The following FBXO32 variants were observed in gnomAD, a reference collection of about 807,000 sequenced individuals.
FBXO32 encodes the protein F-box only protein 32.
A neutral mutation model predicts 48.3 loss-of-function variants in FBXO32; 15 were observed. The observed-to-expected ratio is 0.31, with a 90% CI of 0.21 to 0.48. The LOEUF (loss-of-function observed/expected upper bound fraction) is 0.48. FBXO32 is among the 20% of genes least tolerant of loss of function. The pLI, the probability that FBXO32 is intolerant of heterozygous loss-of-function variation, is 0.99. For missense variants in FBXO32, 309 were observed against 432.7 expected, an observed-to-expected ratio of 0.71 and a Z score of 2.54; for synonymous variants, 154 against 165.9, an observed-to-expected ratio of 0.93 and a Z score of 0.55.
rs950010739 is a variant in FBXO32 at position 123,499,763 on chromosome 8, A to G, written c.*3610T>C. The G allele has an allele frequency of 6.6e-5, 10 of 152,172 alleles. No individual in the cohort carries two copies. Among genetic ancestry groups the G allele is most frequent in the African/African-American group, 2.2e-4 (9 of 41,428 alleles). 9.4% of individuals were successfully genotyped at this position (152,172 alleles called of 1,614,324 possible). The stretch of plus-strand genomic sequence containing the variant: ...AATTCCAAGCTCTTTCTCTTCTCCC[A>G]TATAAAAACAACAGAAACAGGAGGC... On this transcript the variant is annotated 3_prime_UTR_variant, in exon 9 of 9. Coordinates refer to ENST00000517956, the MANE Select transcript of FBXO32 (RefSeq NM_058229.4).
intron 4 of FBXO32, among the ~76,000 whole-genome samples, chr8:123,515,811 T>C (rs1171089338): frequency 2.0e-5 from 3 of 151,772 alleles, no homozygotes; most frequent in Non-Finnish European, 4.4e-5. Context: ...GGCCAACATG[T>C]GAAACTCCAT....
chr8:123,509,059 C>T (rs966204527), intron 6 of FBXO32, among the ~76,000 whole-genome samples: 4 of 152,170 alleles, frequency 2.6e-5, no homozygotes, highest in African/African-American at 7.2e-5. Context: ...CCCTGCCCAC[C>T]GCATACTGTC....
Position 123,540,434 on chromosome 8 carries a change from G to T in FBXO32, c.116+465C>A, listed in dbSNP as rs984772521. Among the ~76,000 whole-genome samples, 17 of 152,246 alleles carry T rather than the reference G, an allele frequency of 1.1e-4. No homozygotes were observed. The highest frequency in any genetic ancestry group is 5.9e-5 in the Non-Finnish European group (4 of 68,050). Reference sequence around the variant, plus strand: ...TGGAAGCGCTCCAGGCGGGACCTTCGTCGGATCCCGTCACCTGTCGCGTCC... The same window carrying T: ...TGGAAGCGCTCCAGGCGGGACCTTCTTCGGATCCCGTCACCTGTCGCGTCC... On this transcript the variant is annotated intron_variant, in intron 1 of 8. Transcript: ENST00000517956. The surrounding 1 kb of genome is among the most constrained non-coding windows in gnomAD (Gnocchi z 6.4).
Position 123,499,377 on chromosome 8 carries a change from G to C in FBXO32, c.*3996C>G, listed in dbSNP as rs1218495868. ...ATCTCTGTATTGGCCTACAGGTTCA[G>C]AGTGTTTTGAGGTCTGTTTAAGCAC... On this transcript the variant is annotated 3_prime_UTR_variant, in exon 9 of 9. Transcript: ENST00000517956. 1 of 151,928 alleles carries C rather than the reference G, an allele frequency of 6.6e-6. No individual in the cohort carries two copies. The highest frequency in any genetic ancestry group is 1.5e-5 in the Non-Finnish European group (1 of 68,024). The allele number at this position is 151,928 out of a possible 1,614,324, so 9.4% of individuals were successfully genotyped here.
Position 123,503,299 on chromosome 8 carries a change from A to G in FBXO32, c.*74T>C. On this transcript the variant is annotated 3_prime_UTR_variant, in exon 9 of 9. Coordinates refer to ENST00000517956, the MANE Select transcript of FBXO32 (RefSeq NM_058229.4). Reference sequence around the variant, plus strand: ...TAAAATGTACACTATTTACAAATGAAGTGTCCAAATGCCATATTCCCAGCT... The same window carrying G: ...TAAAATGTACACTATTTACAAATGAGGTGTCCAAATGCCATATTCCCAGCT... 8.3e-7 allele frequency: 1 copy of G among 1,201,906 alleles called. No homozygotes were observed. Among genetic ancestry groups the G allele is most frequent in the South Asian group, 1.3e-5 (1 of 78,688 alleles). 74.5% of individuals were successfully genotyped at this position (1,201,906 alleles called of 1,614,324 possible).
At chr8:123,524,096 T>G (rs1163583983) in intron 4 of FBXO32, among the ~76,000 whole-genome samples, 1 of 152,222 alleles carries the variant, frequency 6.6e-6, no homozygotes, top group East Asian at 1.9e-4. Context: ...TAGGAGTCTA[T>G]GCTCTAGTCT....
chr8:123,511,669 T>G (rs1423315517), intron 6 of FBXO32, among the ~76,000 whole-genome samples: 1 of 151,962 alleles, frequency 6.6e-6, no homozygotes, highest in Non-Finnish European at 1.5e-5. Context: ...AGAGATGGAG[T>G]TTCACAATGT....
At chr8:123,532,672 T>C (rs144172680) in intron 3 of FBXO32, among the ~76,000 whole-genome samples, 1 of 152,350 alleles carries the variant, frequency 6.6e-6, no homozygotes, top group African/African-American at 2.4e-5. Flanking sequence ...GCCTGTATCC[T>C]AGTTATTTTA....
intron 1 of FBXO32, among the ~76,000 whole-genome samples, chr8:123,536,900 C>T (rs1465448646): frequency 6.6e-6 from 1 of 152,122 alleles, no homozygotes; most frequent in African/African-American, 2.4e-5. Context: ...TGCTTTAAGC[C>T]TGAGTGACTC....
rs1817395868 is a variant in FBXO32 at position 123,540,837 on chromosome 8, G to GC, written c.116+61dup. The GC allele has an allele frequency of 3.2e-5, 45 of 1,396,406 alleles. No homozygotes were observed. Among genetic ancestry groups the GC allele is most frequent in the African/African-American group, 4.3e-5 (3 of 69,414 alleles). The allele number at this position is 1,396,406 out of a possible 1,614,324, so 86.5% of individuals were successfully genotyped here. A position where few individuals can be genotyped will look rare whatever the true frequency, so the allele number is the denominator to read the frequency against. Reference sequence around the variant, plus strand: ...CCTGCCCCTCATTCGCCGTCCCTGCGCCCCCCAGACCAGCCCGGGTCAGTT... The same window carrying GC: ...CCTGCCCCTCATTCGCCGTCCCTGCGCCCCCCCAGACCAGCCCGGGTCAGTT... On this transcript the variant is annotated intron_variant, in intron 1 of 8. Coordinates refer to ENST00000517956, the MANE Select transcript of FBXO32 (RefSeq NM_058229.4). This position sits in a 1 kb window ranked among gnomAD's most constrained non-coding sequence, Gnocchi z 6.4.
chr8:123,533,921 T>C (rs1164015977), intron 2 of FBXO32, among the ~76,000 whole-genome samples: 1 of 151,840 alleles, frequency 6.6e-6, no homozygotes, highest in Non-Finnish European at 1.5e-5. Flanking sequence ...GGCGAAACCC[T>C]GTCTCTACTA....
intron 4 of FBXO32, among the ~76,000 whole-genome samples, chr8:123,523,617 CAACAACAACA>C (rs1348812300): frequency 1.5e-4 from 21 of 142,876 alleles, no homozygotes; most frequent in Admixed American, 4.2e-4. Flanking sequence ...ACAACAACAA[CAACAACAACA>C]AACAAACAAA....
rs1011332084 is a variant in FBXO32 at position 123,502,022 on chromosome 8, G to C, written c.*1351C>G. On this transcript the variant is annotated 3_prime_UTR_variant, in exon 9 of 9. Coordinates refer to ENST00000517956, the MANE Select transcript of FBXO32 (RefSeq NM_058229.4). ...ACAGTTACCTGCTGATATTTGCCTC[G>C]TAAGATCCCCTTGGGATCTTCCTGT... The C allele has an allele frequency of 2.0e-5, 3 of 151,998 alleles. No homozygotes were observed. The South Asian group carries it at 6.2e-4, about 32-fold the overall frequency. 9.4% of individuals were successfully genotyped at this position (151,998 alleles called of 1,614,324 possible). A position where few individuals can be genotyped will look rare whatever the true frequency, so the allele number is the denominator to read the frequency against.
chr8:123,533,347 TAAG>T (rs1016498471), intron 2 of FBXO32, 107 bp from the exon 3 acceptor site: 9 of 906,362 alleles, frequency 9.9e-6, no homozygotes, highest in East Asian at 2.6e-5. Flanking sequence ...ACAAAAAAGA[TAAG>T]GAGTCTACTG....
rs746672276 is a variant in FBXO32 at position 123,540,874 on chromosome 8, G to A, written c.116+25C>T. ...AGCCCGGGTCAGTTTCGCGGGGGCT[G>A]GAAGTTGGTAGCGGGTCCCCTCACC... On this transcript the variant is annotated intron_variant, in intron 1 of 8. Coordinates refer to ENST00000517956, the MANE Select transcript of FBXO32 (RefSeq NM_058229.4). The surrounding 1 kb of genome is among the most constrained non-coding windows in gnomAD (Gnocchi z 6.4). 21 of 1,591,592 alleles carry A rather than the reference G, an allele frequency of 1.3e-5. 1 individual carries two copies. In the East Asian group the frequency reaches 4.7e-4, roughly 36 times the overall value.
chr8:123,508,546 C>T (rs1413368357), intron 6 of FBXO32, among the ~76,000 whole-genome samples: 1 of 152,210 alleles, frequency 6.6e-6, no homozygotes, highest in Non-Finnish European at 1.5e-5. Context: ...ACTTCAGCCT[C>T]CTATTTCATT....
intron 4 of FBXO32, among the ~76,000 whole-genome samples, chr8:123,515,537 C>T (rs1441053951): frequency 6.6e-6 from 1 of 151,944 alleles, no homozygotes; most frequent in Admixed American, 6.6e-5. Flanking sequence ...GCATGAGCCA[C>T]CGCGCCCCGC....
Position 123,525,348 on chromosome 8 carries a change from A to C in FBXO32, c.372+6550T>G, listed in dbSNP as rs917724575. On this transcript the variant is annotated intron_variant, in intron 4 of 8. Coordinates refer to ENST00000517956, the MANE Select transcript of FBXO32 (RefSeq NM_058229.4). The surrounding 1 kb of genome is among the most constrained non-coding windows in gnomAD (Gnocchi z 4.3). ...TATTTGTTCTTCTTGATCCACTAGC[A>C]CATACGGGTCAGTTTACTCCAGTGA... Among the ~76,000 whole-genome samples the C allele has an allele frequency of 6.6e-6, 1 of 152,170 alleles. No homozygotes were observed. The highest frequency in any genetic ancestry group is 1.5e-5 in the Non-Finnish European group (1 of 68,026).
intron 4 of FBXO32, among the ~76,000 whole-genome samples, chr8:123,530,622 T>C (rs1817180347): frequency 6.6e-6 from 1 of 152,176 alleles, no homozygotes; most frequent in South Asian, 2.1e-4. Context: ...GCTCATTAAC[T>C]TTTTCTTTTT....
Sources: allele counts gnomAD v4.1 joint callset (sites outside exome capture counted in the v4.1 genomes callset), GRCh38; gene constraint gnomAD v4.1.1; non-coding constraint Gnocchi (gnomAD v3.1); transcripts MANE v1.5; gene names NCBI Gene and HGNC (gene_info 2026-07-23, HGNC 2026-07-21).